VEGFC: variants seen among roughly 807,000 people sequenced by gnomAD.
VEGFC encodes FLT4 ligand DHM.
Under a neutral mutation model 46.1 loss-of-function variants are expected in VEGFC, and 12 were observed. The observed-to-expected ratio is 0.26, with a 90% confidence interval of 0.17 to 0.42. The LOEUF is 0.42. VEGFC is among the 10% of genes least tolerant of loss of function. The pLI, the probability that VEGFC is intolerant of heterozygous loss-of-function variation, is 1.00. For synonymous variants in VEGFC, 232 were observed against 195.5 expected (o/e 1.19, Z -1.56); for missense variants, 488 against 529.4 (o/e 0.92, Z 0.77).
chr4:176,785,636 C>T (rs1201308203), intron 1 of VEGFC, among the ~76,000 whole-genome samples: 1 of 151,610 alleles, frequency 6.6e-6, no homozygotes, highest in African/African-American at 2.4e-5. Flanking sequence ...CTCTCCTTCT[C>T]TTTTTTTTCA....
chr4:176,789,750 C>A (rs972659508), intron 1 of VEGFC, among the ~76,000 whole-genome samples: 1 of 152,166 alleles, frequency 6.6e-6, no homozygotes, highest in African/African-American at 2.4e-5. Flanking sequence ...AAATATAAGT[C>A]GAGGAATAAG....
At chr4:176,717,905 C>T (rs1734723165) in intron 3 of VEGFC, among the ~76,000 whole-genome samples, 1 of 151,996 alleles carries the variant, frequency 6.6e-6, no homozygotes, top group South Asian at 2.1e-4. Context: ...GCCTGTGGAA[C>T]TTAAATTGGG....
chr4:176,721,026 C>T (rs115758976), intron 3 of VEGFC, among the ~76,000 whole-genome samples: 61 of 151,870 alleles, frequency 4.0e-4, no homozygotes, highest in African/African-American at 1.0e-3. Context: ...CATCGAGATA[C>T]GGGATCATGT....
intron 2 of VEGFC, 118 bp downstream of exon 2, chr4:176,729,415 T>C: frequency 3.9e-6 from 3 of 777,932 alleles, no homozygotes. Context: ...ATTTTCTATT[T>C]GCTTTCCGCC....
chr4:176,692,310 C>T (rs1329099970), intron 4 of VEGFC, among the ~76,000 whole-genome samples: 2 of 133,844 alleles, frequency 1.5e-5, no homozygotes, highest in Non-Finnish European at 3.0e-5. Flanking sequence ...AGGAGAATGG[C>T]GTGAACCCGG....
intron 4 of VEGFC, among the ~76,000 whole-genome samples, chr4:176,691,014 A>G (rs910010937): frequency 6.6e-6 from 1 of 152,234 alleles, no homozygotes; most frequent in Admixed American, 6.5e-5. Flanking sequence ...ATATGTAATA[A>G]AATACAAACC....
chr4:176,694,620 C>T (rs538939872), intron 4 of VEGFC, among the ~76,000 whole-genome samples: 32 of 151,730 alleles, frequency 2.1e-4, no homozygotes, highest in Non-Finnish European at 4.4e-4. Context: ...AGTTCTGCAC[C>T]AAGCGGACCT....
intron 1 of VEGFC, among the ~76,000 whole-genome samples, chr4:176,734,580 ACAAT>A (rs1463221006): frequency 6.6e-6 from 1 of 151,812 alleles, no homozygotes; most frequent in Non-Finnish European, 1.5e-5. Flanking sequence ...CCTTTTGTGG[ACAAT>A]CAATGTCAAA....
chr4:176,769,360 T>G (rs74339684), intron 1 of VEGFC, among the ~76,000 whole-genome samples: 4,818 of 152,230 alleles, frequency 0.032, 242 homozygotes, highest in African/African-American at 0.11. Flanking sequence ...AAACTTTGTT[T>G]CATTGTGCCT....
intron 1 of VEGFC, among the ~76,000 whole-genome samples, chr4:176,767,116 A>G (rs567819432): frequency 1.6e-4 from 23 of 141,360 alleles, no homozygotes; most frequent in African/African-American, 5.4e-4. Context: ...AAGGAATTGT[A>G]GAAATCTAAA....
intron 1 of VEGFC, among the ~76,000 whole-genome samples, chr4:176,738,783 A>G (rs961315413): frequency 2.0e-5 from 3 of 152,080 alleles, no homozygotes; most frequent in African/African-American, 7.2e-5. Flanking sequence ...GAATGGGAGA[A>G]AACTTCTGCA....
intron 1 of VEGFC, among the ~76,000 whole-genome samples, chr4:176,740,429 A>G (rs1735149838): frequency 4.0e-5 from 1 of 25,102 alleles, no homozygotes. Flanking sequence ...ATATATAGTT[A>G]TATATATATT....
chr4:176,767,215 A>T (rs1735643557), intron 1 of VEGFC, among the ~76,000 whole-genome samples: 1 of 152,044 alleles, frequency 6.6e-6, no homozygotes, highest in South Asian at 2.1e-4. Context: ...AATGGGCAAC[A>T]AGCTTGTCAA....
intron 3 of VEGFC, among the ~76,000 whole-genome samples, chr4:176,722,293 G>A (rs1171434987): frequency 6.6e-6 from 1 of 152,040 alleles, no homozygotes; most frequent in African/African-American, 2.4e-5. Context: ...CCTAAATTCT[G>A]CAAAGCTGGG....
chr4:176,733,085 T>C (rs1437484527), intron 1 of VEGFC, among the ~76,000 whole-genome samples: 1 of 151,824 alleles, frequency 6.6e-6, no homozygotes, highest in Non-Finnish European at 1.5e-5. Context: ...CCACACCCAT[T>C]AGAGTGGATA....
intron 4 of VEGFC, among the ~76,000 whole-genome samples, chr4:176,702,053 T>C (rs1734443240): frequency 1.3e-5 from 2 of 152,120 alleles, no homozygotes; most frequent in African/African-American, 4.8e-5. Context: ...ATCTAGGCAT[T>C]TGGACTGAGG....
At chr4:176,759,043 G>C (rs980703317) in intron 1 of VEGFC, among the ~76,000 whole-genome samples, 2 of 152,096 alleles carry the variant, frequency 1.3e-5, no homozygotes, top group Non-Finnish European at 2.9e-5. Context: ...GTTTCCCATT[G>C]AAAAGACTGA....
At chr4:176,769,723 T>A (rs1735691118) in intron 1 of VEGFC, among the ~76,000 whole-genome samples, 1 of 152,100 alleles carries the variant, frequency 6.6e-6, no homozygotes, top group African/African-American at 2.4e-5. Flanking sequence ...TGAGCTCTGT[T>A]ACAATGTTGT....
At chr4:176,765,041 CA>C (rs960727014) in intron 1 of VEGFC, among the ~76,000 whole-genome samples, 2 of 150,594 alleles carry the variant, frequency 1.3e-5, no homozygotes, top group Non-Finnish European at 3.0e-5. Flanking sequence ...GACTCTGCCT[CA>C]AAAAAAAGAA....
Sources: allele counts gnomAD v4.1 joint callset (sites outside exome capture counted in the v4.1 genomes callset), GRCh38; gene constraint gnomAD v4.1.1; transcripts MANE v1.5; gene names NCBI Gene and HGNC (gene_info 2026-07-23, HGNC 2026-07-21).